ARHGAP24: variants seen among roughly 807,000 people sequenced by gnomAD.
The protein encoded by ARHGAP24 is Rho GTPase activating protein 24.
Under a neutral mutation model 76.4 loss-of-function variants are expected in ARHGAP24, and 50 were observed. The observed-to-expected ratio is 0.65, with a 90% CI of 0.52 to 0.83. ARHGAP24 has a LOEUF of 0.83. Ranked by LOEUF, ARHGAP24 falls within the 40% of genes least tolerant of loss-of-function variation. The pLI is 0.00. For missense variants in ARHGAP24, 930 were observed against 914.2 expected (o/e 1.02, Z -0.22); for synonymous variants, 345 against 323.3 (o/e 1.07, Z -0.72).
intron 2 of ARHGAP24, among the ~76,000 whole-genome samples, chr4:85,630,008 A>G (rs1721106516): frequency 6.6e-6 from 1 of 152,010 alleles, no homozygotes; most frequent in South Asian, 2.1e-4. Context: ...CATAAGTCTC[A>G]TAGGCTTTCT....
At chr4:85,856,649 T>TG (rs1731591234) in intron 3 of ARHGAP24, among the ~76,000 whole-genome samples, 1 of 152,074 alleles carries the variant, frequency 6.6e-6, no homozygotes, top group South Asian at 2.1e-4. Flanking sequence ...TTTTGTATTT[T>TG]TAGTAGAGAT....
At chr4:85,622,293 G>A (rs1720747542) in intron 2 of ARHGAP24, among the ~76,000 whole-genome samples, 1 of 117,658 alleles carries the variant, frequency 8.5e-6, no homozygotes, top group Non-Finnish European at 1.6e-5. Flanking sequence ...TCCCCTTCCT[G>A]TGTCCATGTG....
At chr4:85,900,604 T>C (rs899034021) in intron 3 of ARHGAP24, among the ~76,000 whole-genome samples, 1 of 152,070 alleles carries the variant, frequency 6.6e-6, no homozygotes, top group Non-Finnish European at 1.5e-5. Context: ...TTTTGTATTT[T>C]TATTAGAGAT....
chr4:85,889,682 A>T (rs1311279437), intron 3 of ARHGAP24, among the ~76,000 whole-genome samples: 2 of 152,220 alleles, frequency 1.3e-5, no homozygotes, highest in Admixed American at 1.3e-4. Context: ...GAGAACTCCA[A>T]CTATCTCACT....
chr4:85,938,486 A>T (rs953606061), intron 4 of ARHGAP24, among the ~76,000 whole-genome samples: 6 of 152,156 alleles, frequency 3.9e-5, no homozygotes, highest in Non-Finnish European at 5.9e-5. Flanking sequence ...CTGTTTTTTT[A>T]AAATGATTTT....
chr4:85,608,566 T>G (rs1042235148), intron 2 of ARHGAP24, among the ~76,000 whole-genome samples: 3 of 139,338 alleles, frequency 2.2e-5, no homozygotes, highest in African/African-American at 8.0e-5. Context: ...TTTTTTTTTT[T>G]TTTTTTTTTT....
chr4:85,597,813 T>C (rs1719893452), intron 2 of ARHGAP24, among the ~76,000 whole-genome samples: 1 of 152,116 alleles, frequency 6.6e-6, no homozygotes, highest in Non-Finnish European at 1.5e-5. Flanking sequence ...AAAGAGTATG[T>C]GAAATTAACT....
chr4:85,545,516 A>G (rs6828257), intron 1 of ARHGAP24, among the ~76,000 whole-genome samples: 2,310 of 152,284 alleles, frequency 0.015, 58 homozygotes, highest in African/African-American at 0.053. Flanking sequence ...ACTATCAGGT[A>G]TGCTGCAGCA....
chr4:85,946,254 A>G (rs901936787), intron 5 of ARHGAP24, among the ~76,000 whole-genome samples: 4 of 152,174 alleles, frequency 2.6e-5, no homozygotes, highest in African/African-American at 9.7e-5. Context: ...AAACCATATC[A>G]TATTCCCTCA....
intron 5 of ARHGAP24, among the ~76,000 whole-genome samples, chr4:85,960,866 G>A (rs1738203502): frequency 6.6e-6 from 1 of 152,044 alleles, no homozygotes; most frequent in African/African-American, 2.4e-5. Flanking sequence ...TCTAAGTCAG[G>A]ACCAGTACCT....
intron 2 of ARHGAP24, among the ~76,000 whole-genome samples, chr4:85,675,849 A>G (rs1157372682): frequency 6.6e-6 from 1 of 152,168 alleles, no homozygotes. Context: ...ATCAGGCAGG[A>G]TGGTTAGAGC....
intron 2 of ARHGAP24, among the ~76,000 whole-genome samples, chr4:85,622,103 T>C (rs1560556634): frequency 6.6e-6 from 1 of 152,104 alleles, no homozygotes; most frequent in African/African-American, 2.4e-5. Context: ...TTAAAAATTT[T>C]ATTATTATTA....
At chr4:85,987,778 A>G (rs1431931506) in intron 8 of ARHGAP24, among the ~76,000 whole-genome samples, 8 of 151,932 alleles carry the variant, frequency 5.3e-5, no homozygotes, top group Non-Finnish European at 8.8e-5. Flanking sequence ...AAGCACAGAG[A>G]AAAAATACTC....
rs1440607080 is a variant in ARHGAP24 at position 85,782,069 on chromosome 4, A to C, written c.268+60097A>C. ...AAAAAAAAGAAAAAAAAAAGAAAAA[A>C]AAAACAATTGTCTAGAAATTGTGCT... On this transcript the variant is annotated intron_variant, in intron 3 of 9. Transcript: ENST00000395184. Among the ~76,000 whole-genome samples, 4 of 145,006 alleles carry C rather than the reference A, an allele frequency of 2.8e-5. No homozygotes were observed. The East Asian group carries it at 8.7e-4, about 31-fold the overall frequency.
At chr4:85,533,987 G>A (rs1304450650) in intron 1 of ARHGAP24, among the ~76,000 whole-genome samples, 1 of 152,116 alleles carries the variant, frequency 6.6e-6, no homozygotes, top group East Asian at 1.9e-4. Flanking sequence ...AGCTGAATCT[G>A]CACATGAAAA....
intron 3 of ARHGAP24, among the ~76,000 whole-genome samples, chr4:85,893,970 G>T: frequency 8.8e-6 from 1 of 114,056 alleles, no homozygotes; most frequent in South Asian, 3.9e-4. Context: ...GAGGGGGGAG[G>T]GATAGCATTG....
chr4:85,552,486 G>A (rs1208559341), intron 1 of ARHGAP24, among the ~76,000 whole-genome samples: 1 of 152,156 alleles, frequency 6.6e-6, no homozygotes, highest in Non-Finnish European at 1.5e-5. Context: ...TGAGAAGAAT[G>A]TATATTCTGT....
chr4:85,670,912 A>G (rs796981244), intron 2 of ARHGAP24, among the ~76,000 whole-genome samples: 3 of 152,274 alleles, frequency 2.0e-5, no homozygotes, highest in African/African-American at 7.2e-5. Context: ...AAATGTACAT[A>G]AAAGTCTTTA....
intron 3 of ARHGAP24, among the ~76,000 whole-genome samples, chr4:85,775,854 T>A (rs1022299651): frequency 6.6e-6 from 1 of 151,926 alleles, no homozygotes; most frequent in Admixed American, 6.6e-5. Flanking sequence ...CTGGAAGGAA[T>A]GAAGGAGAGT....
Sources: gnomAD v4.1 joint callset for allele counts (sites outside exome capture counted in the v4.1 genomes callset) on GRCh38, gnomAD v4.1.1 for gene constraint, MANE v1.5 for transcripts, NCBI Gene and HGNC (gene_info 2026-07-23, HGNC 2026-07-21) for gene names.